Variants in ZNF516 observed in about 807,000 individuals in gnomAD.
ZNF516 encodes zinc finger protein 516.
A neutral mutation model predicts 79.7 loss-of-function variants in ZNF516; 19 were observed. The ratio of observed to expected loss-of-function variants is 0.24; its 90% CI spans 0.17 to 0.35. The LOEUF is 0.35. Among genes scored for constraint, ZNF516 ranks in the 10% least tolerant of loss-of-function variants. The probability of loss-of-function intolerance (pLI) is 1.00; values close to 1 mark genes in which losing one functional copy is unlikely to be tolerated. For missense variants in ZNF516, 1,678 were observed against 1,679.5 expected (o/e 1.00, Z 0.02); for synonymous variants, 877 against 739.5 (o/e 1.19, Z -3.02).
intron 6 of ZNF516, among the ~76,000 whole-genome samples, chr18:76,367,250 C>T (rs2074627294): frequency 6.6e-6 from 1 of 152,216 alleles, no homozygotes; most frequent in African/African-American, 2.4e-5. Flanking sequence ...CTCAAATCTA[C>T]CCGCTCTCTC....
intron 3 of ZNF516, among the ~76,000 whole-genome samples, chr18:76,403,376 C>T (rs1309430130): frequency 6.6e-6 from 1 of 152,216 alleles, no homozygotes; most frequent in Non-Finnish European, 1.5e-5. Context: ...ATACAAAGCA[C>T]AAGCATGTGG....
intron 3 of ZNF516, among the ~76,000 whole-genome samples, chr18:76,417,297 C>A (rs1429001114): frequency 6.6e-6 from 1 of 152,202 alleles, no homozygotes; most frequent in Non-Finnish European, 1.5e-5. Context: ...CTACACTCCT[C>A]CCGGCTCTTT....
rs765805606 is a variant in ZNF516 at position 76,441,995 on chromosome 18, T to G, written c.1060A>C (p.Asn354His). 6.2e-7 allele frequency: 1 copy of G among 1,613,428 alleles called. No homozygotes were observed. The highest frequency in any genetic ancestry group is 1.7e-5 in the Admixed American group (1 of 60,018). Residue 354 changes from asparagine (N) to histidine (H), a missense_variant, in exon 3 of 7, where the codon AAT becomes CAT. By Grantham distance (68) the Asn-to-His change is moderately conservative. Transcript: ENST00000443185. The part of the protein sequence containing the change: ...FTNLDSLNAH[N>H]AIHRRVEASR... ...GCCTCGACTCTGCGGTGGATGGCAT[T>G]GTGGGCGTTCAAGCTGTCCAGGTTT...
chr18:76,370,625 C>G (rs2144934856), intron 5 of ZNF516, 30 bp from the exon 6 acceptor site: 1 of 1,567,154 alleles, frequency 6.4e-7, no homozygotes, highest in Non-Finnish European at 8.7e-7. Context: ...GTTAACAGAT[C>G]AGCGTGTGAG....
chr18:76,375,580 G>A (rs2144982110), intron 4 of ZNF516, among the ~76,000 whole-genome samples: 1 of 151,660 alleles, frequency 6.6e-6, no homozygotes, highest in African/African-American at 2.4e-5. Flanking sequence ...ACCAGGGAGA[G>A]GATGGACCCA....
chr18:76,482,267 T>C (rs936254806), intron 1 of ZNF516, among the ~76,000 whole-genome samples: 2 of 152,238 alleles, frequency 1.3e-5, no homozygotes, highest in African/African-American at 4.8e-5. Flanking sequence ...GACGTACATA[T>C]GTGATCCAGC....
At chr18:76,463,207 C>T (rs1186228479) in intron 1 of ZNF516, 66 bp from the exon 2 acceptor site, 1 of 152,238 alleles carries the variant, frequency 6.6e-6, no homozygotes, top group East Asian at 1.9e-4. Flanking sequence ...CACTGCTTCT[C>T]TTTAAGAAAA....
At chr18:76,491,667 C>T in intron 1 of ZNF516, 2 of 618,382 alleles carry the variant, frequency 3.2e-6, no homozygotes, top group South Asian at 7.0e-5. Flanking sequence ...AAGCGGCCAC[C>T]GCCCCCACCC....
chr18:76,385,396 C>T (rs897786941), intron 3 of ZNF516, among the ~76,000 whole-genome samples: 2 of 152,230 alleles, frequency 1.3e-5, no homozygotes, highest in African/African-American at 4.8e-5. Context: ...ACACAACCGC[C>T]CTCAAAAGCA....
chr18:76,405,561 G>C (rs1324660257), intron 3 of ZNF516, among the ~76,000 whole-genome samples: 1 of 152,090 alleles, frequency 6.6e-6, no homozygotes, highest in Non-Finnish European at 1.5e-5. Flanking sequence ...CCTGGTTCCT[G>C]TCTTCCCTTC....
chr18:76,362,083 C>CA lies in ZNF516; in HGVS notation c.*414dup, dbSNP rs1201504908. ...CTCTTAACATGGGAGGCCCCTGTGACAGTGCTCAGCCTCGCCACTCTGTCC... is the reference window on the plus strand; with the variant it reads ...CTCTTAACATGGGAGGCCCCTGTGACAAGTGCTCAGCCTCGCCACTCTGTCC... On this transcript the variant is annotated 3_prime_UTR_variant, in exon 7 of 7. Transcript: ENST00000443185. The CA allele has an allele frequency of 6.2e-6, 1 of 161,402 alleles. No homozygotes were observed. Among genetic ancestry groups the CA allele is most frequent in the Non-Finnish European group, 1.4e-5 (1 of 73,724 alleles). The allele number at this position is 161,402 out of a possible 1,614,324, so 10.0% of individuals were successfully genotyped here.
intron 3 of ZNF516, among the ~76,000 whole-genome samples, chr18:76,401,400 T>C (rs917012619): frequency 1.3e-5 from 2 of 152,184 alleles, no homozygotes; most frequent in Non-Finnish European, 2.9e-5. Flanking sequence ...TACAAAATAA[T>C]ATCTCTGCAA....
chr18:76,491,112 C>G, intron 1 of ZNF516: 3 of 982,424 alleles, frequency 3.1e-6, no homozygotes, highest in Non-Finnish European at 3.6e-6. Flanking sequence ...TCCCACCGCC[C>G]CACCTCCGCC....
chr18:76,364,892 A>G (rs7227393), intron 6 of ZNF516, among the ~76,000 whole-genome samples: 37,885 of 152,236 alleles, frequency 0.25, 5,457 homozygotes, highest in African/African-American at 0.4. Flanking sequence ...TAATTCGCCA[A>G]GTCTAATTCA....
At chr18:76,407,379 C>G (rs1200432595) in intron 3 of ZNF516, among the ~76,000 whole-genome samples, 2 of 152,162 alleles carry the variant, frequency 1.3e-5, no homozygotes, top group Non-Finnish European at 2.9e-5. Flanking sequence ...GAGCCAAGAT[C>G]GTGCCACTGC....
chr18:76,455,528 C>T (rs902445452), intron 2 of ZNF516, among the ~76,000 whole-genome samples: 2 of 152,218 alleles, frequency 1.3e-5, no homozygotes, highest in African/African-American at 2.4e-5. Context: ...CCTCCCTGCT[C>T]CCATTCAGCA....
intron 6 of ZNF516, among the ~76,000 whole-genome samples, chr18:76,363,907 C>CA (rs1251431808): frequency 6.6e-6 from 1 of 152,192 alleles, no homozygotes; most frequent in Non-Finnish European, 1.5e-5. Context: ...AAGAGGCGGG[C>CA]AGGGGATGCC....
At chr18:76,462,248 C>CA (rs1378428215) in intron 2 of ZNF516, among the ~76,000 whole-genome samples, 1 of 152,188 alleles carries the variant, frequency 6.6e-6, no homozygotes, top group Non-Finnish European at 1.5e-5. Context: ...TTGCAAAACT[C>CA]AGAGACGGCT....
intron 3 of ZNF516, among the ~76,000 whole-genome samples, chr18:76,410,495 G>A (rs139690837): frequency 4.1e-4 from 62 of 152,234 alleles, no homozygotes; most frequent in African/African-American, 1.3e-3. Context: ...CCCGAAGCTC[G>A]CGCAGTGGTT....
Sources: gnomAD v4.1 joint callset for allele counts (sites outside exome capture counted in the v4.1 genomes callset) on GRCh38, gnomAD v4.1.1 for gene constraint, MANE v1.5 for transcripts, NCBI Gene and HGNC (gene_info 2026-07-23, HGNC 2026-07-21) for gene names.